Variants in CAMKMT observed in about 807,000 individuals in gnomAD.
CAMKMT encodes CaM KMT.
A neutral mutation model predicts 48.0 loss-of-function variants in CAMKMT; 53 were observed. The observed-to-expected ratio is 1.10, with a 90% CI of 0.89 to 1.39. The LOEUF (loss-of-function observed/expected upper bound fraction) is 1.39, where lower values mean the gene tolerates loss of function less well. Among genes scored for constraint, CAMKMT ranks in the 40% most tolerant of loss-of-function variants. The probability of loss-of-function intolerance (pLI) is 0.00; values close to 1 mark genes in which losing one functional copy is unlikely to be tolerated. For missense variants in CAMKMT, 428 were observed against 402.7 expected (o/e 1.06, Z -0.54); for synonymous variants, 165 against 152.3 (o/e 1.08, Z -0.61).
intron 3 of CAMKMT, among the ~76,000 whole-genome samples, chr2:44,469,870 A>G (rs1336774645): frequency 6.6e-6 from 1 of 151,490 alleles, no homozygotes; most frequent in Non-Finnish European, 1.5e-5. Context: ...TTCATTTTTG[A>G]AAAAAATTTC....
At chr2:44,472,554 C>T (rs1668476922) in intron 3 of CAMKMT, among the ~76,000 whole-genome samples, 1 of 152,112 alleles carries the variant, frequency 6.6e-6, no homozygotes, top group Non-Finnish European at 1.5e-5. Context: ...ACAAATATTC[C>T]ATATATCCTC....
At chr2:44,382,937 G>T (rs1316240332) in intron 2 of CAMKMT, among the ~76,000 whole-genome samples, 2 of 152,132 alleles carry the variant, frequency 1.3e-5, no homozygotes, top group African/African-American at 4.8e-5. Flanking sequence ...ACCACATACT[G>T]GGGGGCTTAA....
intron 3 of CAMKMT, among the ~76,000 whole-genome samples, chr2:44,691,778 A>G (rs938094272): frequency 6.6e-6 from 1 of 152,052 alleles, no homozygotes; most frequent in African/African-American, 2.4e-5. Context: ...AAGGTTTCCA[A>G]ACCTCCCTGT....
At chr2:44,430,012 T>G (rs1437736009) in intron 3 of CAMKMT, among the ~76,000 whole-genome samples, 4 of 151,906 alleles carry the variant, frequency 2.6e-5, no homozygotes, top group South Asian at 4.2e-4. Context: ...ATAGAGAAGC[T>G]CTCTATAAAG....
chr2:44,384,355 C>A (rs1025101207), intron 2 of CAMKMT, among the ~76,000 whole-genome samples: 4 of 151,790 alleles, frequency 2.6e-5, no homozygotes, highest in Non-Finnish European at 4.4e-5. Context: ...CGTTTGAGTT[C>A]GTTGTGGATT....
At chr2:44,512,349 G>T (rs1052997336) in intron 3 of CAMKMT, among the ~76,000 whole-genome samples, 1 of 152,158 alleles carries the variant, frequency 6.6e-6, no homozygotes, top group African/African-American at 2.4e-5. Context: ...GATGAAATAA[G>T]AAAACATATA....
intron 3 of CAMKMT, among the ~76,000 whole-genome samples, chr2:44,473,337 C>CT (rs1668521142): frequency 6.6e-6 from 1 of 152,098 alleles, no homozygotes; most frequent in African/African-American, 2.4e-5. Flanking sequence ...TGTTAACAAT[C>CT]TATGTTTTAA....
At chr2:44,648,046 C>G (rs970449495) in intron 3 of CAMKMT, among the ~76,000 whole-genome samples, 5 of 149,594 alleles carry the variant, frequency 3.3e-5, no homozygotes, top group African/African-American at 1.2e-4. Context: ...TAAAAGTTAG[C>G]ACATCTACAC....
intron 3 of CAMKMT, among the ~76,000 whole-genome samples, chr2:44,685,916 T>C (rs1197967151): frequency 6.6e-6 from 1 of 152,158 alleles, no homozygotes; most frequent in African/African-American, 2.4e-5. Context: ...GAGGTATATA[T>C]ATTTTGTGTC....
In CAMKMT at chr2:44,555,149, A is replaced by G. The variant is rs1667939335; in HGVS notation, c.377-149134A>G. 2.6e-5 allele frequency among the ~76,000 whole-genome samples: 4 copies of G among 152,332 alleles called. No individual in the cohort carries two copies. In the South Asian group the frequency reaches 6.2e-4, roughly 24 times the overall value. On this transcript the variant is annotated intron_variant, in intron 3 of 10. Coordinates refer to ENST00000378494, the MANE Select transcript of CAMKMT (RefSeq NM_024766.5). ...ATATTACACAGTCGTGTCTGAAAAC[A>G]TGGCAATAATTTACATTATTCATTC... is the stretch of plus-strand genomic sequence containing the variant.
At chr2:44,396,235 T>C (rs1442774060) in intron 3 of CAMKMT, among the ~76,000 whole-genome samples, 1 of 152,082 alleles carries the variant, frequency 6.6e-6, no homozygotes, top group Non-Finnish European at 1.5e-5. Context: ...TCAAACACCA[T>C]GAATTTAAAG....
At chr2:44,437,853 A>AAAG (rs1666373862) in intron 3 of CAMKMT, among the ~76,000 whole-genome samples, 1 of 151,742 alleles carries the variant, frequency 6.6e-6, no homozygotes, top group African/African-American at 2.4e-5. Context: ...AAAAAAAAAA[A>AAAG]AAAATGATCA....
chr2:44,688,915 C>T (rs922955961), intron 3 of CAMKMT, among the ~76,000 whole-genome samples: 3 of 152,214 alleles, frequency 2.0e-5, no homozygotes, highest in African/African-American at 7.2e-5. Context: ...ACTATTTACT[C>T]TCCAGGAAAC....
intron 3 of CAMKMT, among the ~76,000 whole-genome samples, chr2:44,526,302 C>A (rs1232773182): frequency 6.6e-6 from 1 of 152,088 alleles, no homozygotes; most frequent in African/African-American, 2.4e-5. Flanking sequence ...CTAGTAATTT[C>A]CTATTTTTAT....
intron 3 of CAMKMT, chr2:44,631,727 G>A (rs1558758317): frequency 2.6e-6 from 1 of 384,090 alleles, no homozygotes; most frequent in Non-Finnish European, 4.6e-6. Flanking sequence ...TTATGTTTAA[G>A]TTTACTATCT....
intron 2 of CAMKMT, among the ~76,000 whole-genome samples, chr2:44,378,194 G>C (rs914250021): frequency 1.3e-5 from 2 of 152,056 alleles, no homozygotes; most frequent in African/African-American, 4.8e-5. Context: ...CATTTTTATG[G>C]ATCTTAAATC....
At chr2:44,506,947 C>G (rs1206410798) in intron 3 of CAMKMT, among the ~76,000 whole-genome samples, 1 of 152,134 alleles carries the variant, frequency 6.6e-6, no homozygotes. Flanking sequence ...GAATGGCAAA[C>G]ATACTCTTTA....
intron 3 of CAMKMT, among the ~76,000 whole-genome samples, chr2:44,675,317 T>C (rs1675619350): frequency 6.6e-6 from 1 of 152,204 alleles, no homozygotes; most frequent in Admixed American, 6.5e-5. Flanking sequence ...TTCTTAATTG[T>C]CAGATTCCGG....
intron 3 of CAMKMT, among the ~76,000 whole-genome samples, chr2:44,469,825 C>G (rs1186712101): frequency 1.3e-5 from 2 of 151,470 alleles, no homozygotes; most frequent in African/African-American, 4.8e-5. Context: ...TTATCAGTTA[C>G]GTTTGTTTGC....
Sources: gnomAD v4.1 joint callset for allele counts (sites outside exome capture counted in the v4.1 genomes callset) on GRCh38, gnomAD v4.1.1 for gene constraint, MANE v1.5 for transcripts, NCBI Gene and HGNC (gene_info 2026-07-23, HGNC 2026-07-21) for gene names.